Variants in ASMT observed in about 807,000 individuals in gnomAD.
ASMT encodes acetylserotonin N-methyltransferase.
In ASMT, 53 loss-of-function variants were observed where a neutral mutation model predicts 41.3. That is an observed-to-expected ratio of 1.28 (90% CI 1.03 to 1.61). The LOEUF is 1.61. ASMT is among the 40% of genes most tolerant of loss of function. The pLI is 0.00. For synonymous variants in ASMT, 231 were observed against 184.8 expected, an observed-to-expected ratio of 1.25 and a Z score of -2.03; for missense variants, 531 against 441.3, an observed-to-expected ratio of 1.20 and a Z score of -1.82.
At position 1,615,974 on chromosome X, in the gene ASMT, G is replaced by A. The variant is rs1442303137; in HGVS notation, c.69+706G>A. Among the ~76,000 whole-genome samples the A allele has an allele frequency of 6.4e-4, 97 of 152,226 alleles. 1 individual carries two copies. The highest frequency in any genetic ancestry group is 2.0e-3 in the African/African-American group (84 of 41,538). On this transcript the variant is annotated intron_variant, in intron 1 of 8. Transcript: ENST00000381241. ...AACCCAGTAAATAATTACACTGTGC[G>A]TTTATCATAGAGGTGAGTTTTGAGG... is the stretch of plus-strand genomic sequence containing the variant.
intron 1 of ASMT, among the ~76,000 whole-genome samples, chrX:1,619,808 C>T (rs1256197387): frequency 2.6e-5 from 4 of 151,220 alleles, no homozygotes; most frequent in Non-Finnish European, 5.9e-5. Flanking sequence ...AAGGTTAATA[C>T]GGGCCGGGCG....
rs376189121 is a variant in ASMT, at chrX:1,638,617, C to T, written c.910+2057C>T. Among the ~76,000 whole-genome samples, 29 of 810 alleles carry T rather than the reference C, an allele frequency of 0.036. 7 individuals are homozygous for T. The South Asian group carries it at 0.5, about 14-fold the overall frequency. The allele number at this position is 810 out of a possible 152,430, so 0.5% of individuals were successfully genotyped here. ...GAGGTCCACCCATCCTGATGCTTCA[C>T]GAGGACGTGGGCACAGCCTCTGTGT... On this transcript the variant is annotated intron_variant, in intron 8 of 8. Coordinates refer to ENST00000381241, the MANE Select transcript of ASMT (RefSeq NM_001171038.2).
chrX:1,640,496 A>C (rs1230001819), intron 8 of ASMT, among the ~76,000 whole-genome samples: 2 of 53,838 alleles, frequency 3.7e-5, no homozygotes, highest in South Asian at 7.2e-4. Context: ...AGGTCCACCC[A>C]TCCTGATGCT....
intron 1 of ASMT, among the ~76,000 whole-genome samples, chrX:1,615,684 C>T (rs1260848497): frequency 6.6e-6 from 1 of 151,930 alleles, no homozygotes; most frequent in Non-Finnish European, 1.5e-5. Context: ...TGCCTATAAT[C>T]CCAGCTACTT....
intron 1 of ASMT, among the ~76,000 whole-genome samples, chrX:1,616,701 A>G (rs1485620831): frequency 6.6e-6 from 1 of 150,928 alleles, no homozygotes; most frequent in African/African-American, 2.4e-5. Flanking sequence ...GAGACCCCCC[A>G]TTTCTACAAA....
chrX:1,631,562 G>A (rs1424826301), intron 5 of ASMT, among the ~76,000 whole-genome samples: 12 of 152,090 alleles, frequency 7.9e-5, no homozygotes, highest in African/African-American at 2.7e-4. Context: ...TAGTCACTGT[G>A]AGCAGGGATA....
At chrX:1,635,513 G>A (rs772298781) in intron 7 of ASMT, among the ~76,000 whole-genome samples, 11 of 152,206 alleles carry the variant, frequency 7.2e-5, no homozygotes, top group South Asian at 4.1e-4. Context: ...TGGAATCCAC[G>A]GCTTTGGGTG....
rs1935250575 is a variant in ASMT at position 1,643,071 on chromosome X, A to G, written c.*57A>G. 1.3e-6 allele frequency: 2 copies of G among 1,558,758 alleles called. No homozygotes were observed. The highest frequency in any genetic ancestry group is 3.3e-5 in the Admixed American group (2 of 59,882). On this transcript the variant is annotated 3_prime_UTR_variant, in exon 9 of 9. Coordinates refer to ENST00000381241, the MANE Select transcript of ASMT (RefSeq NM_001171038.2). ...GCACACAAGACATAATAATAAAGAC[A>G]TGTACCTCCAGTGGCTTCTTGTTCT...
intron 4 of ASMT, among the ~76,000 whole-genome samples, chrX:1,628,817 T>C (rs769317180): frequency 5.6e-4 from 38 of 67,964 alleles, no homozygotes; most frequent in South Asian, 4.9e-3. Context: ...TCTCTCCTTC[T>C]CCTCTCCCGT....
At chrX:1,631,144 G>T (rs1238644126) in intron 5 of ASMT, among the ~76,000 whole-genome samples, 1 of 151,330 alleles carries the variant, frequency 6.6e-6, no homozygotes, top group Non-Finnish European at 1.5e-5. Flanking sequence ...TCGATCTCCT[G>T]ACCTCGTGAT....
intron 1 of ASMT, 128 bp downstream of exon 1, chrX:1,615,396 G>C (rs753683998): frequency 1.0e-6 from 1 of 961,594 alleles, no homozygotes; most frequent in Admixed American, 2.0e-5. Flanking sequence ...CACCGTGAAA[G>C]ACGTACACCC....
chrX:1,636,406 G>C lies in ASMT; in HGVS notation c.788-32G>C, dbSNP rs767346034. 3.1e-6 allele frequency: 5 copies of C among 1,613,878 alleles called. No homozygotes were observed. The East Asian group carries it at 1.1e-4, about 36-fold the overall frequency. On this transcript the variant is annotated intron_variant, in intron 7 of 8. Transcript: ENST00000381241. ...TTAGTCAAATGGGATTGGATTGCAG[G>C]CTGACCTCGGTGTGCCTGCCCTGTG...
intron 7 of ASMT, among the ~76,000 whole-genome samples, chrX:1,633,647 T>TC (rs1934857475): frequency 6.6e-6 from 1 of 150,762 alleles, no homozygotes; most frequent in Non-Finnish European, 1.5e-5. Flanking sequence ...AGCTAATTTT[T>TC]TTTTTTTTTT....
At chrX:1,641,981 C>CT (rs112082343) in intron 8 of ASMT, among the ~76,000 whole-genome samples, 26,074 of 136,388 alleles carry the variant, frequency 0.19, 3,064 homozygotes, top group Middle Eastern at 0.34. Context: ...TCCACCCATC[C>CT]GATGGTTCAT....
chrX:1,629,055 T>G (rs1298411053), intron 4 of ASMT, among the ~76,000 whole-genome samples: 1 of 150,470 alleles, frequency 6.6e-6, no homozygotes, highest in African/African-American at 2.5e-5. Flanking sequence ...TTCTTTTTCT[T>G]TCTTCCTTCT....
chrX:1,621,597 C>A (rs555742086), intron 1 of ASMT, among the ~76,000 whole-genome samples: 1 of 152,160 alleles, frequency 6.6e-6, no homozygotes, highest in Non-Finnish European at 1.5e-5. Context: ...GGATTACAGG[C>A]GTGAGCTACC....
chrX:1,621,412 G>T (rs1437889456), intron 1 of ASMT, among the ~76,000 whole-genome samples: 1 of 151,802 alleles, frequency 6.6e-6, no homozygotes, highest in Non-Finnish European at 1.5e-5. Context: ...CCACCTCCAG[G>T]ATTCAAGCAA....
At chrX:1,616,465 T>C (rs1934114647) in intron 1 of ASMT, among the ~76,000 whole-genome samples, 1 of 151,248 alleles carries the variant, frequency 6.6e-6, no homozygotes, top group Non-Finnish European at 1.5e-5. Flanking sequence ...GAGGGAGTGT[T>C]TAACGGAGAC....
At chrX:1,627,519 G>A (rs1191067955) in intron 3 of ASMT, among the ~76,000 whole-genome samples, 184 bp from the exon 4 acceptor site, 1 of 151,682 alleles carries the variant, frequency 6.6e-6, no homozygotes, top group Non-Finnish European at 1.5e-5. Flanking sequence ...TACTCGGGAG[G>A]CTGAGGCAGG....
Sources: gnomAD v4.1 joint callset for allele counts (sites outside exome capture counted in the v4.1 genomes callset) on GRCh38, gnomAD v4.1.1 for gene constraint, MANE v1.5 for transcripts, NCBI Gene and HGNC (gene_info 2026-07-23, HGNC 2026-07-21) for gene names.